IMMP2L: variants seen among roughly 807,000 people sequenced by gnomAD.
IMMP2L encodes inner mitochondrial membrane peptidase subunit 2.
Under a neutral mutation model 19.3 loss-of-function variants are expected in IMMP2L, and 18 were observed. The observed-to-expected ratio is 0.93, with a 90% CI of 0.64 to 1.38. The LOEUF (loss-of-function observed/expected upper bound fraction) is 1.38, where lower values mean the gene tolerates loss of function less well. Among genes scored for constraint, IMMP2L ranks in the 40% most tolerant of loss-of-function variants. The pLI is 0.00. For synonymous variants in IMMP2L, 76 were observed against 73.0 expected (o/e 1.04, Z -0.21); for missense variants, 233 against 218.2 (o/e 1.07, Z -0.43).
intron 3 of IMMP2L, among the ~76,000 whole-genome samples, chr7:111,258,030 T>C (rs1218480487): frequency 1.3e-5 from 2 of 152,078 alleles, no homozygotes; most frequent in African/African-American, 2.4e-5. Flanking sequence ...AACACATGGT[T>C]AAAACACCTT....
chr7:111,120,677 G>A (rs1261350576), intron 3 of IMMP2L, among the ~76,000 whole-genome samples: 2 of 152,074 alleles, frequency 1.3e-5, no homozygotes, highest in African/African-American at 4.8e-5. Context: ...TAACACACAG[G>A]TACATCTACA....
At chr7:111,178,086 A>G (rs1369616291) in intron 3 of IMMP2L, among the ~76,000 whole-genome samples, 10 of 152,072 alleles carry the variant, frequency 6.6e-5, no homozygotes, top group African/African-American at 2.4e-4. Context: ...GCATTTTTCT[A>G]CTGAATCACA....
intron 5 of IMMP2L, among the ~76,000 whole-genome samples, chr7:110,688,663 T>C (rs925652478): frequency 1.3e-5 from 2 of 152,102 alleles, no homozygotes; most frequent in African/African-American, 4.8e-5. Context: ...TAAATTATGA[T>C]GTATTCTAAT....
chr7:111,373,694 A>G (rs1269818624), intron 3 of IMMP2L, among the ~76,000 whole-genome samples: 1 of 152,074 alleles, frequency 6.6e-6, no homozygotes, highest in African/African-American at 2.4e-5. Flanking sequence ...TGGTAAGATT[A>G]GGATAAATTC....
intron 3 of IMMP2L, among the ~76,000 whole-genome samples, chr7:111,373,051 C>T (rs1009618579): frequency 1.7e-4 from 25 of 151,444 alleles, no homozygotes; most frequent in African/African-American, 6.1e-4. Context: ...CCTACAATAT[C>T]TTCCAATGTT....
At chr7:110,929,189 A>G (rs1185138098) in intron 4 of IMMP2L, among the ~76,000 whole-genome samples, 1 of 152,176 alleles carries the variant, frequency 6.6e-6, no homozygotes, top group Non-Finnish European at 1.5e-5. Context: ...CTATTTGTTT[A>G]CTGGGAATAA....
chr7:110,849,374 T>C (rs1805978798), intron 5 of IMMP2L, among the ~76,000 whole-genome samples: 1 of 152,044 alleles, frequency 6.6e-6, no homozygotes, highest in African/African-American at 2.4e-5. Flanking sequence ...TTTAAAACAA[T>C]ACATGTCTAC....
At chr7:111,035,181 T>A (rs918216406) in intron 3 of IMMP2L, among the ~76,000 whole-genome samples, 52 of 152,312 alleles carry the variant, frequency 3.4e-4, no homozygotes, top group African/African-American at 1.2e-3. Flanking sequence ...TTAGACTTAC[T>A]ATTACTACTT....
At chr7:111,551,699 C>T (rs2133095754) in intron 1 of IMMP2L, among the ~76,000 whole-genome samples, 1 of 152,050 alleles carries the variant, frequency 6.6e-6, no homozygotes, top group East Asian at 1.9e-4. Context: ...ACCATCACTA[C>T]CACCTCAGCA....
intron 5 of IMMP2L, among the ~76,000 whole-genome samples, chr7:110,733,348 T>C (rs1796398880): frequency 6.6e-6 from 1 of 152,110 alleles, no homozygotes; most frequent in South Asian, 2.1e-4. Context: ...AAGCATGCCC[T>C]CTCCCTGTCA....
At chr7:111,477,805 G>A (rs1232685198) in intron 3 of IMMP2L, among the ~76,000 whole-genome samples, 1 of 152,052 alleles carries the variant, frequency 6.6e-6, no homozygotes, top group Admixed American at 6.6e-5. Flanking sequence ...GGCTGAGGCA[G>A]GAGAATCGCT....
At chr7:110,706,697 GT>G (rs1794707440) in intron 5 of IMMP2L, among the ~76,000 whole-genome samples, 1 of 152,048 alleles carries the variant, frequency 6.6e-6, no homozygotes, top group Non-Finnish European at 1.5e-5. Flanking sequence ...TAATGGGGTT[GT>G]TTTTGCTTGT....
chr7:110,887,881 C>A (rs1412246375), intron 4 of IMMP2L, among the ~76,000 whole-genome samples: 4 of 152,008 alleles, frequency 2.6e-5, no homozygotes, highest in Non-Finnish European at 5.9e-5. Flanking sequence ...TTGAGCTTGG[C>A]ATACATACTG....
intron 5 of IMMP2L, among the ~76,000 whole-genome samples, chr7:110,771,853 C>T (rs2131025962): frequency 6.6e-6 from 1 of 152,224 alleles, no homozygotes; most frequent in Non-Finnish European, 1.5e-5. Flanking sequence ...AGATGAGTAA[C>T]TTGAGACAGA....
chr7:110,864,138 GT>G (rs1448287143), intron 5 of IMMP2L, among the ~76,000 whole-genome samples: 1 of 152,044 alleles, frequency 6.6e-6, no homozygotes, highest in Non-Finnish European at 1.5e-5. Context: ...CCCGTTCCAT[GT>G]TTCAAAAGTT....
intron 5 of IMMP2L, among the ~76,000 whole-genome samples, chr7:110,880,755 T>G (rs1809557474): frequency 6.6e-6 from 1 of 152,110 alleles, no homozygotes; most frequent in Non-Finnish European, 1.5e-5. Context: ...TCACTAAATC[T>G]TGGCTCCTGA....
chr7:110,700,689 T>C (rs1794220936), intron 5 of IMMP2L, among the ~76,000 whole-genome samples: 1 of 152,226 alleles, frequency 6.6e-6, no homozygotes, highest in South Asian at 2.1e-4. Context: ...AACTTGAGGT[T>C]AGCATCTGTT....
Position 111,233,467 on chromosome 7 carries a change from CTA to C in IMMP2L, c.239+253769_239+253770del, listed in dbSNP as rs1813941677. On this transcript the variant is annotated intron_variant, in intron 3 of 5. Coordinates refer to ENST00000405709, the MANE Select transcript of IMMP2L (RefSeq NM_032549.4). ...AAATCAGTGGTAATTGACAAACTGA[CTA>C]TATAATAATTTCACTGAGATGATTT... Among the ~76,000 whole-genome samples, 3 of 151,732 alleles carry C rather than the reference CTA, an allele frequency of 2.0e-5. No homozygotes were observed. In the South Asian group the frequency reaches 6.2e-4, roughly 31 times the overall value.
At chr7:110,794,070 C>A (rs1800679364) in intron 5 of IMMP2L, among the ~76,000 whole-genome samples, 1 of 152,042 alleles carries the variant, frequency 6.6e-6, no homozygotes, top group African/African-American at 2.4e-5. Context: ...ATGGCACGGC[C>A]ACTTTGGAAG....
Sources: allele counts gnomAD v4.1 joint callset (sites outside exome capture counted in the v4.1 genomes callset), GRCh38; gene constraint gnomAD v4.1.1; transcripts MANE v1.5; gene names NCBI Gene and HGNC (gene_info 2026-07-23, HGNC 2026-07-21).